Variants in PIK3R4 observed in about 807,000 individuals in gnomAD.
The protein encoded by PIK3R4 is phosphoinositide 3-kinase regulatory subunit 4.
PIK3R4 carries 46 observed loss-of-function variants against 136.5 expected under a neutral mutation model. The observed-to-expected ratio is 0.34, with a 90% CI of 0.27 to 0.43. The LOEUF (loss-of-function observed/expected upper bound fraction) is 0.43. PIK3R4 is among the 20% of genes least tolerant of loss of function. The pLI, the probability that PIK3R4 is intolerant of heterozygous loss-of-function variation, is 1.00. For missense variants in PIK3R4, 1,331 were observed against 1,649.5 expected, an observed-to-expected ratio of 0.81 and a Z score of 3.35; for synonymous variants, 557 against 566.7, an observed-to-expected ratio of 0.98 and a Z score of 0.24.
At chr3:130,689,954 A>C (rs1253816596) in intron 14 of PIK3R4, among the ~76,000 whole-genome samples, 2 of 152,252 alleles carry the variant, frequency 1.3e-5, no homozygotes, top group Non-Finnish European at 2.9e-5. Context: ...ACAATTTATA[A>C]AAAATAAACA....
chr3:130,701,362 A>G (rs189972516), intron 13 of PIK3R4, among the ~76,000 whole-genome samples: 326 of 152,238 alleles, frequency 2.1e-3, no homozygotes, highest in African/African-American at 7.5e-3. Context: ...AAAGACAAAA[A>G]TTAGCCAGAT....
At chr3:130,740,684 C>T (rs1002679308) in intron 2 of PIK3R4, among the ~76,000 whole-genome samples, 20 of 152,008 alleles carry the variant, frequency 1.3e-4, no homozygotes, top group African/African-American at 4.1e-4. Flanking sequence ...GAGCCAAGAT[C>T]GCGCCACTGC....
In PIK3R4 at chr3:130,746,463, G is replaced by GT. The variant is rs2066854407; in HGVS notation, c.-193dup. On this transcript the variant is annotated 5_prime_UTR_variant, in exon 1 of 20. Transcript: ENST00000356763. ...TTTCTTCATAGACAGGAGATGGGCT[G>GT]TTGGTGGAGGGGCGCAGAAAAGTCC... 1.1e-4 allele frequency: 16 copies of GT among 152,284 alleles called. No individual in the cohort carries two copies. The highest frequency in any genetic ancestry group is 1.0e-3 in the Admixed American group (16 of 15,284). 9.4% of individuals were successfully genotyped at this position (152,284 alleles called of 1,614,324 possible). A position where few individuals can be genotyped will look rare whatever the true frequency, so the allele number is the denominator to read the frequency against.
intron 2 of PIK3R4, among the ~76,000 whole-genome samples, chr3:130,739,564 G>A (rs2066808766): frequency 6.6e-6 from 1 of 151,840 alleles, no homozygotes; most frequent in Middle Eastern, 3.4e-3. Context: ...GTAGAGACAG[G>A]GTTTCACCAT....
At chr3:130,738,720 A>T (rs2066800996) in intron 2 of PIK3R4, among the ~76,000 whole-genome samples, 3 of 152,086 alleles carry the variant, frequency 2.0e-5, no homozygotes, top group African/African-American at 7.2e-5. Flanking sequence ...GGACTGTCAC[A>T]AGGACACAGG....
In PIK3R4 at chr3:130,733,566, C is replaced by T. The variant is rs370565856; in HGVS notation, c.1432G>A (p.Val478Ile). 37 of 1,610,998 alleles carry T rather than the reference C, an allele frequency of 2.3e-5. No individual in the cohort carries two copies. The highest frequency in any genetic ancestry group is 1.2e-4 in the Admixed American group (7 of 59,996). The change falls in exon 4 of 20, where the codon GTT (valine) becomes ATT (isoleucine). Residue 478 changes from valine (V) to isoleucine (I), a missense_variant. Physicochemically the swap from Val to Ile is conservative, Grantham distance 29. Around this residue, in one of 2 missense-constraint regions of PIK3R4, gnomAD observed 1,180 missense variants for 1,407.0 expected, o/e 0.84. Transcript: ENST00000356763. The part of the protein sequence containing the change: ...AHLAQDDATI[V>I]RLAYAENIAL... ...CTCTTACCAGCATAGGCTAGTCTAA[C>T]GATAGTAGCATCATCTTGGGCTAAG... is the stretch of plus-strand genomic sequence containing the variant.
intron 2 of PIK3R4, among the ~76,000 whole-genome samples, chr3:130,736,942 T>A (rs918410074): frequency 2.0e-5 from 3 of 152,226 alleles, no homozygotes; most frequent in African/African-American, 2.4e-5. Context: ...TTTGCACTTA[T>A]ATAATCTTCA....
intron 13 of PIK3R4, among the ~76,000 whole-genome samples, chr3:130,691,867 GTT>G (rs757678674): frequency 8.9e-5 from 9 of 100,824 alleles, no homozygotes; most frequent in African/African-American, 3.7e-4. Context: ...TCTCTCTCTA[GTT>G]TTTTTTTTTT....
chr3:130,730,586 C>T (rs1324420185), intron 4 of PIK3R4, 144 bp from the exon 5 acceptor site: 1 of 512,302 alleles, frequency 2.0e-6, no homozygotes, highest in African/African-American at 2.0e-5. Context: ...TTAACTTAAT[C>T]AGATTTTAGT....
chr3:130,682,825 A>AAC (rs1187128528), intron 16 of PIK3R4, among the ~76,000 whole-genome samples: 2 of 152,180 alleles, frequency 1.3e-5, no homozygotes, highest in Admixed American at 1.3e-4. Flanking sequence ...TTAGAATTGT[A>AAC]GGTGATAAGG....
At chr3:130,731,318 C>T (rs756237080) in intron 4 of PIK3R4, among the ~76,000 whole-genome samples, 2 of 152,088 alleles carry the variant, frequency 1.3e-5, no homozygotes, top group Non-Finnish European at 2.9e-5. Context: ...TTTTTCCTTG[C>T]TTTCCAACAT....
In PIK3R4 at chr3:130,685,230, T is replaced by C. The variant is rs145267053; in HGVS notation, c.3476-849A>G. 9.5e-3 allele frequency among the ~76,000 whole-genome samples: 1,450 copies of C among 152,268 alleles called. 27 individuals carry two copies. The highest frequency in any genetic ancestry group is 0.033 in the African/African-American group (1,367 of 41,558). On this transcript the variant is annotated intron_variant, in intron 15 of 19. Coordinates refer to ENST00000356763, the MANE Select transcript of PIK3R4 (RefSeq NM_014602.3). Reference sequence around the variant, plus strand: ...GTGATCTACTGCAGAGAATGGTGATTATAATACAGTGTATATTTCAAAGTT... The same window carrying C: ...GTGATCTACTGCAGAGAATGGTGATCATAATACAGTGTATATTTCAAAGTT...
At chr3:130,692,668 A>C (rs78332988) in intron 13 of PIK3R4, among the ~76,000 whole-genome samples, 1 of 152,106 alleles carries the variant, frequency 6.6e-6, no homozygotes, top group African/African-American at 2.4e-5. Flanking sequence ...ATATTTGTGT[A>C]TAAGTCTTTG....
chr3:130,728,395 C>A, intron 6 of PIK3R4, 68 bp downstream of exon 6: 1 of 919,154 alleles, frequency 1.1e-6, no homozygotes, highest in Non-Finnish European at 1.6e-6. Context: ...ATCTATCCTT[C>A]AGATTGCATG....
chr3:130,744,062 C>G (rs1214625112), intron 2 of PIK3R4, among the ~76,000 whole-genome samples: 1 of 152,198 alleles, frequency 6.6e-6, no homozygotes, highest in Admixed American at 6.5e-5. Flanking sequence ...TGACTCAACA[C>G]CACCATGAGG....
chr3:130,696,804 A>G (rs1221880921), intron 13 of PIK3R4, among the ~76,000 whole-genome samples: 1 of 152,052 alleles, frequency 6.6e-6, no homozygotes, highest in Non-Finnish European at 1.5e-5. Flanking sequence ...TTCTTTGCTG[A>G]TCTTATGCTT....
Position 130,707,148 on chromosome 3 carries a change from A to C in PIK3R4, c.2534-13T>G. On this transcript the variant is annotated splice_polypyrimidine_tract_variant and intron_variant, in intron 10 of 19. Coordinates refer to ENST00000356763, the MANE Select transcript of PIK3R4 (RefSeq NM_014602.3). The stretch of plus-strand genomic sequence containing the variant: ...ACATGTTTTCTGGCTATGAAAATAT[A>C]TTCAGAATAGTTAGTCTGAAGGTAG... 6.3e-7 allele frequency: 1 copy of C among 1,583,106 alleles called. No homozygotes were observed. Among genetic ancestry groups the C allele is most frequent in the Non-Finnish European group, 8.6e-7 (1 of 1,161,422 alleles).
At chr3:130,744,463 G>A in intron 2 of PIK3R4, 23 bp downstream of exon 2, 1 of 1,576,600 alleles carries the variant, frequency 6.3e-7, no homozygotes, top group Middle Eastern at 1.7e-4. Context: ...TGCTCCCTTA[G>A]CAAATGTGAC....
intron 6 of PIK3R4, among the ~76,000 whole-genome samples, chr3:130,725,221 TATA>T (rs1559828442): frequency 2.0e-5 from 3 of 151,776 alleles, no homozygotes. Context: ...ATTAAAAATA[TATA>T]ATAATGTAAA....
Sources: allele counts gnomAD v4.1 joint callset (sites outside exome capture counted in the v4.1 genomes callset), GRCh38; gene constraint gnomAD v4.1.1; regional missense constraint gnomAD v4.1.1; transcripts MANE v1.5; gene names NCBI Gene and HGNC (gene_info 2026-07-23, HGNC 2026-07-21).